LARP4B: variants seen among roughly 807,000 people sequenced by gnomAD.
LARP4B encodes La ribonucleoprotein 4B, also known as la-related protein 4B.
A neutral mutation model predicts 89.8 loss-of-function variants in LARP4B; 12 were observed. That is an observed-to-expected ratio of 0.13 (90% confidence interval 0.09 to 0.22). The LOEUF is 0.22. Ranked by LOEUF, LARP4B falls within the 10% of genes least tolerant of loss-of-function variation. LARP4B has a pLI of 1.00. For missense variants in LARP4B, 757 were observed against 947.7 expected (o/e 0.80, Z 2.64); for synonymous variants, 367 against 363.3 (o/e 1.01, Z -0.12).
At chr10:872,432 T>C (rs1395246673) in intron 3 of LARP4B, among the ~76,000 whole-genome samples, 1 of 152,160 alleles carries the variant, frequency 6.6e-6, no homozygotes, top group East Asian at 1.9e-4. Flanking sequence ...GGTGCCCAGC[T>C]CCTCTGCCAC....
At chr10:961,297 A>T in the LARP4B span, among the ~76,000 whole-genome samples, 3 of 152,222 alleles carry the variant, frequency 2.0e-5, no homozygotes, top group Admixed American at 6.5e-5. Context: ...TAAAGAAAGG[A>T]GGTTTATTTG....
At chr10:831,828 TA>T (rs1224218735) in intron 8 of LARP4B, among the ~76,000 whole-genome samples, 4 of 151,982 alleles carry the variant, frequency 2.6e-5, no homozygotes, top group African/African-American at 9.7e-5. Flanking sequence ...TTCAGTAAAG[TA>T]AAATTTAAAA....
chr10:826,920 T>C (rs1028619139), intron 11 of LARP4B, among the ~76,000 whole-genome samples: 1 of 152,216 alleles, frequency 6.6e-6, no homozygotes, highest in Non-Finnish European at 1.5e-5. Flanking sequence ...AAAGGGAAGT[T>C]AGAATCTTCA....
chr10:945,337 TCA>T, the LARP4B span, among the ~76,000 whole-genome samples: 28 of 146,880 alleles, frequency 1.9e-4, no homozygotes, highest in Admixed American at 2.1e-4. Flanking sequence ...TGAACGGAGA[TCA>T]CACCACTGCC....
chr10:902,403 TAGGA>T (rs1420103760), intron 1 of LARP4B, among the ~76,000 whole-genome samples: 1 of 152,202 alleles, frequency 6.6e-6, no homozygotes, highest in Non-Finnish European at 1.5e-5. Flanking sequence ...AAGAGCTTCT[TAGGA>T]AGGGTTTCCA....
Position 820,652 on chromosome 10 carries a change from G to A in LARP4B, c.1530+148C>T. Reference sequence around the variant, plus strand: ...TGCTTCCTCCTAGGCCAGCCAGGGTGTCAGTTATTACTTAGTGGATTTCAC... The same window carrying A: ...TGCTTCCTCCTAGGCCAGCCAGGGTATCAGTTATTACTTAGTGGATTTCAC... On this transcript the variant is annotated intron_variant, in intron 14 of 17. Coordinates refer to ENST00000316157, the MANE Select transcript of LARP4B (RefSeq NM_015155.3). 4 of 710,698 alleles carry A rather than the reference G, an allele frequency of 5.6e-6. No individual in the cohort carries two copies. In the East Asian group the frequency reaches 8.1e-5, roughly 14 times the overall value. The allele number at this position is 710,698 out of a possible 1,614,324, so 44.0% of individuals were successfully genotyped here.
At chr10:859,376 G>A (rs997880573) in intron 5 of LARP4B, among the ~76,000 whole-genome samples, 16 of 151,968 alleles carry the variant, frequency 1.1e-4, no homozygotes, top group African/African-American at 3.9e-4. Context: ...ACTATGGCCT[G>A]TATGGAAAAC....
chr10:849,162 G>GA (rs1372990862), intron 5 of LARP4B, among the ~76,000 whole-genome samples: 2 of 151,814 alleles, frequency 1.3e-5, no homozygotes, highest in Admixed American at 6.6e-5. Flanking sequence ...TGCTCCAAAG[G>GA]AAAACAGAAA....
intron 4 of LARP4B, 117 bp from the exon 5 acceptor site, chr10:864,000 C>G (rs1246357424): frequency 6.5e-7 from 1 of 1,545,452 alleles, no homozygotes; most frequent in Non-Finnish European, 8.8e-7. Context: ...TCTGGGCTCT[C>G]AAGCACTGCC....
chr10:917,244 T>C (rs1836846154), intron 1 of LARP4B, among the ~76,000 whole-genome samples: 1 of 152,254 alleles, frequency 6.6e-6, no homozygotes, highest in African/African-American at 2.4e-5. Context: ...GAAGCTTTTT[T>C]CTTTCAAGCT....
intron 3 of LARP4B, among the ~76,000 whole-genome samples, chr10:882,637 C>CT (rs1375643359): frequency 1.3e-5 from 2 of 152,146 alleles, no homozygotes; most frequent in African/African-American, 2.4e-5. Flanking sequence ...TTCTTACAGT[C>CT]TAATAGAGAT....
intron 1 of LARP4B, among the ~76,000 whole-genome samples, chr10:929,297 T>C (rs1417095992): frequency 6.6e-6 from 1 of 152,148 alleles, no homozygotes; most frequent in African/African-American, 2.4e-5. Context: ...AGGTAGAATA[T>C]TTTAAAAATT....
chr10:860,850 T>C (rs2131827553), intron 5 of LARP4B, among the ~76,000 whole-genome samples: 1 of 152,058 alleles, frequency 6.6e-6, no homozygotes, highest in Middle Eastern at 3.4e-3. Context: ...CAAACTGACA[T>C]ATAGTGATAG....
chr10:836,077 TCA>T (rs928654708), intron 8 of LARP4B, among the ~76,000 whole-genome samples: 1 of 152,158 alleles, frequency 6.6e-6, no homozygotes, highest in Non-Finnish European at 1.5e-5. Context: ...GTTTTTTTTA[TCA>T]CAAAAGTGCT....
intron 8 of LARP4B, among the ~76,000 whole-genome samples, chr10:832,289 C>T (rs1019164386): frequency 6.6e-6 from 1 of 152,014 alleles, no homozygotes; most frequent in Non-Finnish European, 1.5e-5. Context: ...GTGATCCGCC[C>T]GCCTCAGCCT....
At chr10:808,708 C>A (rs1426424110), downstream of LARP4B, 1 of 150,218 alleles carries the variant, frequency 6.7e-6, no homozygotes, top group African/African-American at 2.5e-5. Flanking sequence ...ACGATTAGGC[C>A]CAGCTGGATT....
chr10:933,184 CAT>C (rs1213339038), upstream of LARP4B: 2 of 152,370 alleles, frequency 1.3e-5, no homozygotes, highest in East Asian at 3.8e-4. Context: ...TACATATACA[CAT>C]ATTATCAATT....
At chr10:825,969 G>T in intron 11 of LARP4B, 99 bp from the exon 12 acceptor site, 1 of 785,048 alleles carries the variant, frequency 1.3e-6, no homozygotes, top group Non-Finnish European at 2.1e-6. Flanking sequence ...ATTTCTTGAT[G>T]TTGTCAGAGT....
chr10:863,273 G>A (rs1564414635), intron 5 of LARP4B, among the ~76,000 whole-genome samples: 1 of 151,218 alleles, frequency 6.6e-6, no homozygotes, highest in Admixed American at 6.6e-5. Flanking sequence ...GCCCAGGCTG[G>A]AGTGCAGTGG....
Sources: gnomAD v4.1 joint callset for allele counts (sites outside exome capture counted in the v4.1 genomes callset) on GRCh38, gnomAD v4.1.1 for gene constraint, MANE v1.5 for transcripts, NCBI Gene and HGNC (gene_info 2026-07-23, HGNC 2026-07-21) for gene names.